Variants in TSPAN17 observed in about 807,000 individuals in gnomAD.
TSPAN17 encodes the protein tetraspanin-17.
TSPAN17 carries 33 observed loss-of-function variants against 40.5 expected under a neutral mutation model. That is an observed-to-expected ratio of 0.81 (90% CI 0.62 to 1.09). TSPAN17 has a LOEUF of 1.09. Ranked by LOEUF, TSPAN17 falls within the 50% of genes least tolerant of loss-of-function variation. The pLI is 0.00. For synonymous variants in TSPAN17, 166 were observed against 169.4 expected (o/e 0.98, Z 0.15); for missense variants, 365 against 416.8 (o/e 0.88, Z 1.08).
chr5:176,656,029 C>T, intron 5 of TSPAN17, 49 bp from the exon 6 acceptor site: 3 of 1,584,564 alleles, frequency 1.9e-6, no homozygotes, highest in Non-Finnish European at 2.6e-6. Flanking sequence ...ACCATGGACC[C>T]CATGGGATGC....
chr5:176,647,511 G>T lies in TSPAN17; in HGVS notation c.-105G>T. 1.2e-6 allele frequency: 1 copy of T among 826,572 alleles called. No individual in the cohort carries two copies. Among genetic ancestry groups the T allele is most frequent in the Non-Finnish European group, 1.7e-6 (1 of 596,584 alleles). 51.2% of individuals were successfully genotyped at this position (826,572 alleles called of 1,614,324 possible). Reference sequence around the variant, plus strand: ...TCTGTGTGGCCGAGGCCATGAAGCCGCAGCCGCCCGGCTAGGCCCCGGGCG... The same window carrying T: ...TCTGTGTGGCCGAGGCCATGAAGCCTCAGCCGCCCGGCTAGGCCCCGGGCG... On this transcript the variant is annotated 5_prime_UTR_variant, in exon 1 of 9. Coordinates refer to ENST00000508164, the MANE Select transcript of TSPAN17 (RefSeq NM_130465.5).
chr5:176,657,093 G>GGCGAACC, intron 8 of TSPAN17, 137 bp downstream of exon 8: 3 of 921,108 alleles, frequency 3.3e-6, no homozygotes, highest in African/African-American at 1.7e-5. Context: ...TGAGGGGTTC[G>GGCGAACC]CCTGAACCGC....
At chr5:176,648,174 C>G (rs1038521098) in intron 1 of TSPAN17, among the ~76,000 whole-genome samples, 1 of 152,198 alleles carries the variant, frequency 6.6e-6, no homozygotes, top group Non-Finnish European at 1.5e-5. Flanking sequence ...AGGTGCCTCA[C>G]CTTAGGCTCC....
chr5:176,651,897 G>A lies in TSPAN17; in HGVS notation c.282G>A (p.Lys94=), dbSNP rs146723522. ...GALRENTFLL[K]FFSVFLGLIF... is the part of the protein sequence containing the mutation. ...TCCGGGAGAACACCTTCCTGCTCAA[G>A]TTTGTGAGTGCTGCCCTCAAGATCC... The change falls in exon 3 of 9, where the codon AAG becomes AAA. Residue 94 remains lysine (K), a synonymous_variant. Coordinates refer to ENST00000508164, the MANE Select transcript of TSPAN17 (RefSeq NM_130465.5). This position sits in a 1 kb window ranked among gnomAD's most constrained non-coding sequence, Gnocchi z 4.5. 38 of 1,613,802 alleles carry A rather than the reference G, an allele frequency of 2.4e-5. No homozygotes were observed. The highest frequency in any genetic ancestry group is 3.0e-5 in the Non-Finnish European group (35 of 1,180,010).
rs117739961 is a variant in TSPAN17 at position 176,655,727 on chromosome 5, G to A, written c.583-351G>A. On this transcript the variant is annotated intron_variant, in intron 5 of 8. Coordinates refer to ENST00000508164, the MANE Select transcript of TSPAN17 (RefSeq NM_130465.5). The stretch of plus-strand genomic sequence containing the variant: ...AGCTGGGGCGGCACAGTGAGACCTC[G>A]TGTCTACAAAAAAAAAAAAAAAAAT... Among the ~76,000 whole-genome samples the A allele has an allele frequency of 1.6e-3, 170 of 105,404 alleles. 3 individuals carry two copies. The East Asian group carries it at 0.033, about 21-fold the overall frequency. 69.1% of individuals were successfully genotyped at this position (105,404 alleles called of 152,430 possible).
chr5:176,655,061 T>C (rs1287906138), intron 5 of TSPAN17, 41 bp downstream of exon 5: 2 of 1,568,590 alleles, frequency 1.3e-6, no homozygotes, highest in East Asian at 4.7e-5. Flanking sequence ...GACTTTCCAG[T>C]GCACAGACTC....
In TSPAN17 at chr5:176,657,633, C is replaced by G; in HGVS notation, c.925C>G (p.Pro309Ala). 4 of 1,612,656 alleles carry G rather than the reference C, an allele frequency of 2.5e-6. No homozygotes were observed. The highest frequency in any genetic ancestry group is 3.4e-6 in the Non-Finnish European group (4 of 1,179,716). ...SLTGAPGPAP[P>A]SRHVFFGLGG... ...GACTGGGGCCCCTGGCCCGGCCCCACCCAGCCGACATGTTTTCTTTGGCCT... is the reference window on the plus strand; with the variant it reads ...GACTGGGGCCCCTGGCCCGGCCCCAGCCAGCCGACATGTTTTCTTTGGCCT... The change falls in exon 9 of 9, where the codon CCC becomes GCC. Residue 309 changes from proline to alanine, a missense_variant. Transcript: ENST00000508164.
intron 1 of TSPAN17, among the ~76,000 whole-genome samples, chr5:176,647,908 G>GTGGGGT (rs1760807413): frequency 6.6e-6 from 1 of 152,118 alleles, no homozygotes. Context: ...TAGCGACAGC[G>GTGGGGT]TGGGGTCGGG....
Position 176,654,543 on chromosome 5 carries a change from A to G in TSPAN17, c.457-352A>G. 1 of 238,750 alleles carries G rather than the reference A, an allele frequency of 4.2e-6. No homozygotes were observed. The highest frequency in any genetic ancestry group is 8.2e-6 in the Non-Finnish European group (1 of 121,286). 14.8% of individuals were successfully genotyped at this position (238,750 alleles called of 1,614,324 possible). Reference sequence around the variant, plus strand: ...CAAGTGTGGGAGGCCTGCTGCAGACATGGGGCCCAGCGGTCTCTGCTGCCA... The same window carrying G: ...CAAGTGTGGGAGGCCTGCTGCAGACGTGGGGCCCAGCGGTCTCTGCTGCCA... On this transcript the variant is annotated intron_variant, in intron 4 of 8. Coordinates refer to ENST00000508164, the MANE Select transcript of TSPAN17 (RefSeq NM_130465.5). The surrounding 1 kb of genome is among the most constrained non-coding windows in gnomAD (Gnocchi z 4.3).
chr5:176,647,643 G>T lies in TSPAN17; in HGVS notation c.28G>T (p.Glu10Ter), dbSNP rs765275328. MPGKHQHFQ[E>*]PEVGCCGKYF... ...GCCCGGCAAGCACCAGCATTTCCAG[G>T]AACCTGAGGTCGGCTGCTGCGGGAA... The change falls in exon 1 of 9, where the codon GAA (glutamate) becomes TAA (stop). Residue 10 changes from glutamate to a stop codon, truncating the protein, a stop_gained. Coordinates refer to ENST00000508164, the MANE Select transcript of TSPAN17 (RefSeq NM_130465.5). LOFTEE classifies it high-confidence loss of function. The T allele has an allele frequency of 9.4e-6, 15 of 1,597,784 alleles. No homozygotes were observed. Among genetic ancestry groups the T allele is most frequent in the Non-Finnish European group, 1.3e-5 (15 of 1,173,212 alleles).
chr5:176,648,881 A>G (rs1159349886), intron 1 of TSPAN17, among the ~76,000 whole-genome samples: 1 of 152,236 alleles, frequency 6.6e-6, no homozygotes, highest in Non-Finnish European at 1.5e-5. Context: ...GAATAGACAC[A>G]GAGAAATTAA....
In TSPAN17 at chr5:176,651,599, T is replaced by C. The variant is rs529173887; in HGVS notation, c.88-17T>C. 43 of 1,609,912 alleles carry C rather than the reference T, an allele frequency of 2.7e-5. 1 individual carries two copies. In the South Asian group the frequency reaches 4.6e-4, roughly 17 times the overall value. The stretch of plus-strand genomic sequence containing the variant: ...GGGCTGCTCCCAGCCCTGAGCTCTT[T>C]GTTGCTGCCCTTGCAGGTGCTGGGA... On this transcript the variant is annotated splice_polypyrimidine_tract_variant and intron_variant, in intron 1 of 8. Transcript: ENST00000508164. This position sits in a 1 kb window ranked among gnomAD's most constrained non-coding sequence, Gnocchi z 4.5.
rs1760916775 is a variant in TSPAN17 at position 176,650,220 on chromosome 5, A to G, written c.88-1396A>G. On this transcript the variant is annotated intron_variant, in intron 1 of 8. Transcript: ENST00000508164. The surrounding 1 kb of genome is among the most constrained non-coding windows in gnomAD (Gnocchi z 4.0). ...ATGAGGTCTGGGTGGGGATCGGGAG[A>G]TGCCAGCGTCATGATGGGATGGAAG... is the stretch of plus-strand genomic sequence containing the variant. Among the ~76,000 whole-genome samples the G allele has an allele frequency of 6.6e-6, 1 of 151,910 alleles. No homozygotes were observed. The highest frequency in any genetic ancestry group is 2.1e-4 in the South Asian group (1 of 4,792).
rs950828882 is a variant in TSPAN17 at position 176,655,978 on chromosome 5, C to T, written c.583-100C>T. The stretch of plus-strand genomic sequence containing the variant: ...GACACGGCAGAATCCACGGGCCCAT[C>T]TGCGTCCTCTGAGAAGGAAAAGCCA... On this transcript the variant is annotated intron_variant, in intron 5 of 8. Transcript: ENST00000508164. 7.5e-6 allele frequency: 8 copies of T among 1,061,998 alleles called. No individual in the cohort carries two copies. In the African/African-American group the frequency reaches 1.1e-4, roughly 14 times the overall value. The allele number at this position is 1,061,998 out of a possible 1,614,324, so 65.8% of individuals were successfully genotyped here.
rs1261830379 is a variant in TSPAN17, at chr5:176,651,183, C to T, written c.88-433C>T. Among the ~76,000 whole-genome samples, 2 of 152,090 alleles carry T rather than the reference C, an allele frequency of 1.3e-5. No individual in the cohort carries two copies. Among genetic ancestry groups the T allele is most frequent in the African/African-American group, 2.4e-5 (1 of 41,414 alleles). ...TGTTGAGGGCGGGGCCGCAGTCACA[C>T]GGCTTTAGGGTAGCAGGAGAGCTGG... On this transcript the variant is annotated intron_variant, in intron 1 of 8. Transcript: ENST00000508164. The surrounding 1 kb of genome is among the most constrained non-coding windows in gnomAD (Gnocchi z 4.5).
Position 176,657,674 on chromosome 5 carries a change from T to C in TSPAN17, c.966T>C (p.Pro322=). The change falls in exon 9 of 9, where the codon CCT becomes CCC. Residue 322 remains proline (P), a synonymous_variant. Transcript: ENST00000508164. ...TCTTTGGCCTGGGTGGTTTATACCCTGAGCCAACCTTTAAAAATTGGTAGA... is the reference window on the plus strand; with the variant it reads ...TCTTTGGCCTGGGTGGTTTATACCCCGAGCCAACCTTTAAAAATTGGTAGA... ...HVFFGLGGLY[P]EPTFKNW 6.4e-7 allele frequency: 1 copy of C among 1,568,196 alleles called. No individual in the cohort carries two copies. Among genetic ancestry groups the C allele is most frequent in the South Asian group, 1.2e-5 (1 of 85,052 alleles).
In TSPAN17 at chr5:176,657,558, C is replaced by T; in HGVS notation, c.850C>T (p.Pro284Ser). Residue 284 changes from proline to serine, a missense_variant, in exon 9 of 9, where the codon CCC becomes TCC. Transcript: ENST00000508164. ...TGACTTTGAAAACCACTGGCTTACGCCCACCATTTCCGAGGTCCTGTCCAC... is the reference window on the plus strand; with the variant it reads ...TGACTTTGAAAACCACTGGCTTACGTCCACCATTTCCGAGGTCCTGTCCAC... ...NDDFENHWLT[P>S]TISEVLSTAG... 1 of 1,611,854 alleles carries T rather than the reference C, an allele frequency of 6.2e-7. No individual in the cohort carries two copies. Among genetic ancestry groups the T allele is most frequent in the Non-Finnish European group, 8.5e-7 (1 of 1,178,780 alleles).
chr5:176,648,585 C>T (rs766389619), intron 1 of TSPAN17, among the ~76,000 whole-genome samples: 2 of 152,244 alleles, frequency 1.3e-5, no homozygotes, highest in African/African-American at 4.8e-5. Flanking sequence ...CACGTGTCAC[C>T]GAGCTCACTG....
chr5:176,656,990 G>A (rs200586493), intron 8 of TSPAN17, 34 bp downstream of exon 8: 2 of 1,602,318 alleles, frequency 1.2e-6, no homozygotes, highest in Admixed American at 1.7e-5. Flanking sequence ...CACATGCCTG[G>A]CCTACGCAGG....
Sources: gnomAD v4.1 joint callset for allele counts (sites outside exome capture counted in the v4.1 genomes callset) on GRCh38, gnomAD v4.1.1 for gene constraint, Gnocchi (gnomAD v3.1) non-coding constraint, MANE v1.5 for transcripts, NCBI Gene and HGNC (gene_info 2026-07-23, HGNC 2026-07-21) for gene names.